DACH2: variants seen among roughly 807,000 people sequenced by gnomAD.
DACH2 encodes the protein dachshund family transcription factor 2, also known as dachshund homolog 2.
DACH2 carries 17 observed loss-of-function variants against 35.8 expected under a neutral mutation model. That is an observed-to-expected ratio of 0.48 (90% confidence interval 0.33 to 0.71). The LOEUF (loss-of-function observed/expected upper bound fraction) is 0.71. Ranked by LOEUF, DACH2 falls within the 30% of genes least tolerant of loss-of-function variation. The pLI, the probability that DACH2 is intolerant of heterozygous loss-of-function variation, is 0.02. For synonymous variants in DACH2, 195 were observed against 177.3 expected (o/e 1.10, Z -0.79); for missense variants, 469 against 472.7 (o/e 0.99, Z 0.07).
intron 1 of DACH2, among the ~76,000 whole-genome samples, chrX:86,359,614 T>C (rs2035705423): frequency 9.0e-6 from 1 of 110,885 alleles, no homozygotes; most frequent in Admixed American, 9.7e-5. Flanking sequence ...CTGCGTACAG[T>C]GGTGCACGTC....
At chrX:86,698,199 A>G (rs1291842411) in intron 5 of DACH2, among the ~76,000 whole-genome samples, 2 of 110,928 alleles carry the variant, frequency 1.8e-5, no homozygotes, top group African/African-American at 6.5e-5. Flanking sequence ...AGAAAACACC[A>G]TAAATGTATA....
chrX:86,470,959 A>G (rs2037752548), intron 2 of DACH2, among the ~76,000 whole-genome samples: 1 of 111,452 alleles, frequency 9.0e-6, no homozygotes, highest in Non-Finnish European at 1.9e-5. Flanking sequence ...ACCCCCGAAA[A>G]TATCATTATT....
intron 2 of DACH2, among the ~76,000 whole-genome samples, chrX:86,439,819 T>G (rs929918964): frequency 9.0e-6 from 1 of 111,713 alleles, no homozygotes; most frequent in Non-Finnish European, 1.9e-5. Context: ...AATAGTTGTA[T>G]TTTTATTTTT....
chrX:86,303,384 G>A (rs1306073977), intron 1 of DACH2, among the ~76,000 whole-genome samples: 1 of 109,855 alleles, frequency 9.1e-6, no homozygotes, highest in Non-Finnish European at 1.9e-5. Context: ...TGTTATATTG[G>A]CTATAGAGGG....
intron 1 of DACH2, among the ~76,000 whole-genome samples, chrX:86,286,160 G>T (rs750502638): frequency 8.0e-4 from 53 of 66,017 alleles, no homozygotes; most frequent in African/African-American, 3.2e-3. Flanking sequence ...TCGCTCTGTC[G>T]CCCAGGCCGG....
At chrX:86,542,386 G>A (rs980722339) in intron 3 of DACH2, among the ~76,000 whole-genome samples, 1 of 111,228 alleles carries the variant, frequency 9.0e-6, no homozygotes, top group Non-Finnish European at 1.9e-5. Flanking sequence ...GTCTTATGAA[G>A]CCAAATTAGT....
chrX:86,625,495 C>T (rs1026948995), intron 3 of DACH2, among the ~76,000 whole-genome samples: 1 of 110,411 alleles, frequency 9.1e-6, no homozygotes, highest in South Asian at 3.9e-4. Flanking sequence ...GTAATATGCT[C>T]CACAGAAATT....
rs867831194 is a variant in DACH2 at position 86,502,063 on chromosome X, C to T, written c.528-12216C>T. Among the ~76,000 whole-genome samples the T allele has an allele frequency of 3.0e-5, 3 of 99,262 alleles. No individual in the cohort carries two copies. The East Asian group carries it at 8.8e-4, about 29-fold the overall frequency. The allele number at this position is 99,262 out of a possible 115,157, so 86.2% of individuals were successfully genotyped here. On this transcript the variant is annotated intron_variant, in intron 2 of 11. Coordinates refer to ENST00000373125, the MANE Select transcript of DACH2 (RefSeq NM_053281.3). Reference sequence around the variant, plus strand: ...CCTTCCTTCCTTCCTTCTTTCTTTCCTTCCTTCCTTTGAACCAAGAACTAT... The same window carrying T: ...CCTTCCTTCCTTCCTTCTTTCTTTCTTTCCTTCCTTTGAACCAAGAACTAT...
intron 11 of DACH2, among the ~76,000 whole-genome samples, chrX:86,819,642 T>TACTC: frequency 8.9e-6 from 1 of 111,834 alleles, no homozygotes; most frequent in South Asian, 3.7e-4. Context: ...ATAATCCTTT[T>TACTC]ACTCCCCAGT....
intron 3 of DACH2, among the ~76,000 whole-genome samples, chrX:86,622,551 G>A: frequency 9.0e-6 from 1 of 110,673 alleles, no homozygotes; most frequent in Non-Finnish European, 1.9e-5. Context: ...GCTATTAACT[G>A]AAAAAAAATC....
At chrX:86,705,050 C>CATATATATATATATCTTACATAT (rs1556379552) in intron 5 of DACH2, among the ~76,000 whole-genome samples, 1 of 75,285 alleles carries the variant, frequency 1.3e-5, no homozygotes, top group African/African-American at 4.8e-5. Flanking sequence ...ATATATCTCA[C>CATATATATATATATCTTACATAT]ATATATATAT....
chrX:86,735,545 A>C (rs1324686783), intron 6 of DACH2, among the ~76,000 whole-genome samples: 1 of 111,927 alleles, frequency 8.9e-6, no homozygotes, highest in South Asian at 3.6e-4. Flanking sequence ...TTTCCGTAAC[A>C]ACTTATTCTT....
At chrX:86,222,323 G>A (rs1259377911) in intron 1 of DACH2, among the ~76,000 whole-genome samples, 1 of 112,081 alleles carries the variant, frequency 8.9e-6, no homozygotes, top group Non-Finnish European at 1.9e-5. Context: ...GTCAGTTCTA[G>A]AAGATGACCT....
intron 2 of DACH2, among the ~76,000 whole-genome samples, chrX:86,391,517 C>G (rs1443973180): frequency 9.1e-6 from 1 of 110,148 alleles, no homozygotes; most frequent in Non-Finnish European, 1.9e-5. Flanking sequence ...CCATGTACAT[C>G]AAAGTTAACC....
chrX:86,310,948 G>A (rs984837775), intron 1 of DACH2, among the ~76,000 whole-genome samples: 2 of 111,118 alleles, frequency 1.8e-5, no homozygotes, highest in Non-Finnish European at 3.8e-5. Flanking sequence ...GGCCATGGTG[G>A]CAGGGATGGA....
chrX:86,344,456 A>G (rs1242612092), intron 1 of DACH2, among the ~76,000 whole-genome samples: 1 of 108,854 alleles, frequency 9.2e-6, no homozygotes, highest in Non-Finnish European at 1.9e-5. Flanking sequence ...TTGAAACCTT[A>G]TGTTTACTTT....
chrX:86,291,076 T>G (rs1319538090), intron 1 of DACH2, among the ~76,000 whole-genome samples: 1 of 101,939 alleles, frequency 9.8e-6, no homozygotes, highest in African/African-American at 3.6e-5. Context: ...TTCTTCCATT[T>G]GTTTGTATCC....
chrX:86,747,230 T>C (rs1257860834), intron 7 of DACH2, among the ~76,000 whole-genome samples: 1 of 111,821 alleles, frequency 8.9e-6, no homozygotes, highest in African/African-American at 3.2e-5. Context: ...CAACTGGAAT[T>C]ACAACAAGGA....
At chrX:86,246,466 C>T (rs1384136047) in intron 1 of DACH2, among the ~76,000 whole-genome samples, 2 of 112,020 alleles carry the variant, frequency 1.8e-5, no homozygotes, top group African/African-American at 6.5e-5. Context: ...AACAGTGAAC[C>T]TTTCAGCAGA....
Sources: gnomAD v4.1 joint callset for allele counts (sites outside exome capture counted in the v4.1 genomes callset) on GRCh38, gnomAD v4.1.1 for gene constraint, MANE v1.5 for transcripts, NCBI Gene and HGNC (gene_info 2026-07-23, HGNC 2026-07-21) for gene names.